The following FCGR3B variants were observed in gnomAD, a reference collection of about 807,000 sequenced individuals.
FCGR3B encodes low affinity immunoglobulin gamma Fc region receptor III-B.
Under a neutral mutation model 26.7 loss-of-function variants are expected in FCGR3B, and 20 were observed. The observed-to-expected ratio is 0.75, with a 90% CI of 0.53 to 1.09. FCGR3B has a LOEUF of 1.09. FCGR3B is among the 50% of genes least tolerant of loss of function. The probability of loss-of-function intolerance (pLI) is 0.00; values close to 1 mark genes in which losing one functional copy is unlikely to be tolerated. For missense variants in FCGR3B, 191 were observed against 279.7 expected, an observed-to-expected ratio of 0.68 and a Z score of 2.26; for synonymous variants, 79 against 107.0, an observed-to-expected ratio of 0.74 and a Z score of 1.62.
chr1:161,627,577 G>T (rs998512557), intron 3 of FCGR3B, among the ~76,000 whole-genome samples: 6 of 150,394 alleles, frequency 4.0e-5, no homozygotes, highest in African/African-American at 1.5e-4. Flanking sequence ...CCTATTAAGA[G>T]ATATCATTTA....
chr1:161,630,423 G>A lies in FCGR3B; in HGVS notation c.41-35C>T, dbSNP rs199635916. On this transcript the variant is annotated intron_variant, in intron 1 of 4. Coordinates refer to ENST00000650385, the MANE Select transcript of FCGR3B (RefSeq NM_001244753.2). The stretch of plus-strand genomic sequence containing the variant: ...AAAAGAGTAAATCAAATATTGAGTA[G>A]GGGCAGAGATCAGAGTGATTAGAAC... 16 of 1,596,534 alleles carry A rather than the reference G, an allele frequency of 1.0e-5. 1 individual carries two copies. The highest frequency in any genetic ancestry group is 4.5e-5 in the East Asian group (2 of 44,582).
chr1:161,630,428 A>G (rs1463981580), intron 1 of FCGR3B, 40 bp from the exon 2 acceptor site: 2 of 1,589,040 alleles, frequency 1.3e-6, no homozygotes, highest in Non-Finnish European at 1.7e-6. Context: ...GAGTAGGGGC[A>G]GAGATCAGAG....
intron 3 of FCGR3B, among the ~76,000 whole-genome samples, chr1:161,627,178 A>T (rs1679509892): frequency 6.7e-6 from 1 of 150,306 alleles, no homozygotes; most frequent in Admixed American, 6.6e-5. Context: ...TAATGATGTT[A>T]TAGGTAAGTA....
At chr1:161,627,507 C>T (rs1164410461) in intron 3 of FCGR3B, among the ~76,000 whole-genome samples, 3 of 150,396 alleles carry the variant, frequency 2.0e-5, no homozygotes, top group Admixed American at 6.6e-5. Context: ...ATTGGTAGGA[C>T]GTGTGTTGGT....
rs190442715 is a variant in FCGR3B at position 161,624,859 on chromosome 1, C to T, written c.578-220G>A. Among the ~76,000 whole-genome samples the T allele has an allele frequency of 1.1e-3, 161 of 147,548 alleles. 4 individuals are homozygous for T. Among genetic ancestry groups the T allele is most frequent in the Non-Finnish European group, 2.1e-3 (139 of 67,008 alleles). On this transcript the variant is annotated intron_variant, in intron 4 of 4. Transcript: ENST00000650385. ...GCTCACCAAACACTTAGCAAAGGCT[C>T]CTGCTTGTTTGACAGAGATGTGACA...
At position 161,626,222 on chromosome 1, in the gene FCGR3B, C is replaced by T; in HGVS notation, c.500G>A (p.Ser167Asn). The T allele has an allele frequency of 1.2e-6, 2 of 1,608,680 alleles. No homozygotes were observed. Among genetic ancestry groups the T allele is most frequent in the South Asian group, 1.1e-5 (1 of 90,516 alleles). The change falls in exon 4 of 5, where the codon AGC (serine) becomes AAC (asparagine). Residue 167 changes from serine (S) to asparagine (N), a missense_variant. Transcript: ENST00000650385. ...AAGCCCCCTGCAGAAGTAGGAGCCG[C>T]TATCTTTGAGTGTGGCTTTTGGAAT... ...FHIPKATLKD[S>N]GSYFCRGLVG...
In FCGR3B at chr1:161,624,370, C is replaced by A; in HGVS notation, c.*145G>T. ...TGTTTCCTGCTGCTTGTAGAGAGGC[C>A]TGAGGATGATGGGGTTGCAAATCCA... On this transcript the variant is annotated 3_prime_UTR_variant, in exon 5 of 5. Coordinates refer to ENST00000650385, the MANE Select transcript of FCGR3B (RefSeq NM_001244753.2). 2.1e-6 allele frequency: 2 copies of A among 963,680 alleles called. No homozygotes were observed. The highest frequency in any genetic ancestry group is 3.1e-6 in the Non-Finnish European group (2 of 637,788). The allele number at this position is 963,680 out of a possible 1,614,324, so 59.7% of individuals were successfully genotyped here.
chr1:161,630,944 G>C, intron 1 of FCGR3B, 111 bp downstream of exon 1: 1 of 1,483,402 alleles, frequency 6.7e-7, no homozygotes, highest in Non-Finnish European at 8.9e-7. Context: ...CTATAGATGT[G>C]GTGAGGGGTC....
In FCGR3B at chr1:161,624,658, A is replaced by G; in HGVS notation, c.578-19T>C. 1 of 1,592,182 alleles carries G rather than the reference A, an allele frequency of 6.3e-7. No individual in the cohort carries two copies. The highest frequency in any genetic ancestry group is 1.1e-5 in the South Asian group (1 of 88,926). ...GCCAAACCTATTAGGAGAAGTGGAG[A>G]GATGAAAAAAAATGACAGTCACTAA... On this transcript the variant is annotated intron_variant, in intron 4 of 4. Coordinates refer to ENST00000650385, the MANE Select transcript of FCGR3B (RefSeq NM_001244753.2).
At chr1:161,627,713 G>A (rs970882740) in intron 3 of FCGR3B, among the ~76,000 whole-genome samples, 5 of 150,062 alleles carry the variant, frequency 3.3e-5, no homozygotes, top group African/African-American at 1.2e-4. Flanking sequence ...GTTCGAATCT[G>A]TCCTGTCATG....
At position 161,631,117 on chromosome 1, in the gene FCGR3B, G is replaced by A. The variant is rs1393823138; in HGVS notation, c.-23C>T. On this transcript the variant is annotated 5_prime_UTR_variant, in exon 1 of 5. Coordinates refer to ENST00000650385, the MANE Select transcript of FCGR3B (RefSeq NM_001244753.2). ...CATGATGCCACACTGGAGTGGACAA[G>A]TCACCAAAGATATCCGGAGCCCTAA... The A allele has an allele frequency of 6.2e-7, 1 of 1,607,826 alleles. No individual in the cohort carries two copies. Among genetic ancestry groups the A allele is most frequent in the Non-Finnish European group, 8.5e-7 (1 of 1,177,484 alleles).
In FCGR3B at chr1:161,624,465, G is replaced by C; in HGVS notation, c.*50C>G. On this transcript the variant is annotated 3_prime_UTR_variant, in exon 5 of 5. Transcript: ENST00000650385. ...ATGGGATGGGGGTCATGTGTCTTGA[G>C]GGTCCTTTCTCCATTTAAGTTTATG... 6.3e-7 allele frequency: 1 copy of C among 1,586,916 alleles called. No individual in the cohort carries two copies. The highest frequency in any genetic ancestry group is 8.6e-7 in the Non-Finnish European group (1 of 1,162,918).
At chr1:161,625,627 T>C (rs1044441234) in intron 4 of FCGR3B, among the ~76,000 whole-genome samples, 4 of 142,216 alleles carry the variant, frequency 2.8e-5, no homozygotes, top group African/African-American at 1.1e-4. Flanking sequence ...AGGTGCCCAA[T>C]AAATGTCAGC....
At chr1:161,631,430 C>T, upstream of FCGR3B, 2 of 566,070 alleles carry the variant, frequency 3.5e-6, no homozygotes, top group Middle Eastern at 4.6e-4. Context: ...TTGCCCCCAT[C>T]TCCTGGATTT....
At chr1:161,626,823 C>A (rs1679487338) in intron 3 of FCGR3B, among the ~76,000 whole-genome samples, 1 of 150,342 alleles carries the variant, frequency 6.7e-6, no homozygotes, top group Non-Finnish European at 1.5e-5. Context: ...AGGTAGATTT[C>A]AGAAGGAATA....
rs910948607 is a variant in FCGR3B at position 161,630,109 on chromosome 1, C to T, written c.62-74G>A. 22 of 1,293,498 alleles carry T rather than the reference C, an allele frequency of 1.7e-5. 1 individual carries two copies. Among genetic ancestry groups the T allele is most frequent in the Non-Finnish European group, 2.2e-5 (21 of 951,268 alleles). The allele number at this position is 1,293,498 out of a possible 1,614,324, so 80.1% of individuals were successfully genotyped here. A position where few individuals can be genotyped will look rare whatever the true frequency, so the allele number is the denominator to read the frequency against. On this transcript the variant is annotated intron_variant, in intron 2 of 4. Coordinates refer to ENST00000650385, the MANE Select transcript of FCGR3B (RefSeq NM_001244753.2). ...CTACACTGCCATTCCCAGGGAGCCT[C>T]AAAGCCAGAATGAGCTCATTGCAAA... is the stretch of plus-strand genomic sequence containing the variant.
rs1217831041 is a variant in FCGR3B at position 161,624,696 on chromosome 1, G to C, written c.578-57C>G. ...TGACAGTCACTAAGGCAGATATTTG[G>C]AACAAACAGTGAGGTCACCAGTAGA... On this transcript the variant is annotated intron_variant, in intron 4 of 4. Coordinates refer to ENST00000650385, the MANE Select transcript of FCGR3B (RefSeq NM_001244753.2). The C allele has an allele frequency of 1.4e-4, 208 of 1,513,302 alleles. 3 individuals carry two copies. Among genetic ancestry groups the C allele is most frequent in the Non-Finnish European group, 1.8e-4 (198 of 1,107,394 alleles). The allele number at this position is 1,513,302 out of a possible 1,614,324, so 93.7% of individuals were successfully genotyped here.
chr1:161,628,576 C>G (rs544878106), intron 3 of FCGR3B, among the ~76,000 whole-genome samples: 1 of 148,616 alleles, frequency 6.7e-6, no homozygotes, highest in Admixed American at 6.7e-5. Flanking sequence ...AATGGACATA[C>G]CTTCTTGTAG....
At chr1:161,630,273 C>T in intron 2 of FCGR3B, 95 bp downstream of exon 2, 1 of 1,295,120 alleles carries the variant, frequency 7.7e-7, no homozygotes, top group South Asian at 1.2e-5. Flanking sequence ...CCCACATCAG[C>T]ATTTTCCCAT....
Sources: gnomAD v4.1 joint callset for allele counts (sites outside exome capture counted in the v4.1 genomes callset) on GRCh38, gnomAD v4.1.1 for gene constraint, MANE v1.5 for transcripts, NCBI Gene and HGNC (gene_info 2026-07-23, HGNC 2026-07-21) for gene names.